The following COL19A1 variants were observed in gnomAD, a reference collection of about 807,000 sequenced individuals.
The protein encoded by COL19A1 is collagen type XIX alpha 1 chain, also known as collagen alpha-1(XIX) chain.
COL19A1 carries 159 observed loss-of-function variants against 190.2 expected under a neutral mutation model. That is an observed-to-expected ratio of 0.84 (90% CI 0.73 to 0.95). The LOEUF (loss-of-function observed/expected upper bound fraction) is 0.95. COL19A1 is among the 40% of genes least tolerant of loss of function. The probability of loss-of-function intolerance (pLI) is 0.00; values close to 1 mark genes in which losing one functional copy is unlikely to be tolerated. For missense variants in COL19A1, 1,418 were observed against 1,431.9 expected, an observed-to-expected ratio of 0.99 and a Z score of 0.16; for synonymous variants, 509 against 458.9, an observed-to-expected ratio of 1.11 and a Z score of -1.39.
At position 70,165,924 on chromosome 6, in the gene COL19A1, C is replaced by G. The variant is rs779281622; in HGVS notation, c.2401-17C>G. The G allele has an allele frequency of 7.3e-5, 118 of 1,613,082 alleles. No homozygotes were observed. The highest frequency in any genetic ancestry group is 9.7e-5 in the Non-Finnish European group (114 of 1,179,104). On this transcript the variant is annotated splice_polypyrimidine_tract_variant and intron_variant, in intron 36 of 50. Coordinates refer to ENST00000620364, the MANE Select transcript of COL19A1 (RefSeq NM_001858.6). ...AGAAACGTCTACGCCGCTGATATGT[C>G]TATATATCCCTTGCAGGGCAGCGAC...
chr6:70,043,068 C>T (rs1250918471), intron 14 of COL19A1, among the ~76,000 whole-genome samples: 2 of 152,162 alleles, frequency 1.3e-5, no homozygotes, highest in African/African-American at 4.8e-5. Context: ...AGATTTTGAC[C>T]TCCTCTGTGA....
Position 70,058,978 on chromosome 6 carries a change from T to C in COL19A1, c.1171-9445T>C, listed in dbSNP as rs557716407. ...CGTATAAAACAAAATTTCATTCCGA[T>C]GTCCCCAACTTAAAACTTTATTCCT... On this transcript the variant is annotated intron_variant, in intron 14 of 50. Coordinates refer to ENST00000620364, the MANE Select transcript of COL19A1 (RefSeq NM_001858.6). Among the ~76,000 whole-genome samples, 117 of 152,204 alleles carry C rather than the reference T, an allele frequency of 7.7e-4. 2 individuals are homozygous for C. The South Asian group carries it at 0.017, about 22-fold the overall frequency.
Position 70,074,516 on chromosome 6 carries a change from A to AAG in COL19A1, c.1224+6048_1224+6049dup, listed in dbSNP as rs1554200728. 8.7e-4 allele frequency among the ~76,000 whole-genome samples: 130 copies of AAG among 149,330 alleles called. 1 individual carries two copies. Among genetic ancestry groups the AAG allele is most frequent in the Middle Eastern group, 3.5e-3 (1 of 288 alleles). On this transcript the variant is annotated intron_variant, in intron 15 of 50. Transcript: ENST00000620364. ...TCCACCTCAAAAAAAAAAAAAAAAA[A>AAG]AGAGAGAGAAAGAGTATTTCTTCTT...
chr6:70,163,976 C>T (rs1397416399), intron 36 of COL19A1, among the ~76,000 whole-genome samples: 1 of 152,074 alleles, frequency 6.6e-6, no homozygotes, highest in Admixed American at 6.5e-5. Context: ...GGGCACTAAT[C>T]CTATTCATGA....
intron 47 of COL19A1, among the ~76,000 whole-genome samples, chr6:70,189,924 C>T (rs3806058): frequency 0.22 from 34,130 of 152,110 alleles, 4,003 homozygotes; most frequent in Non-Finnish European, 0.26. Context: ...TTGACTTTGC[C>T]ATCCAGGGAT....
intron 16 of COL19A1, among the ~76,000 whole-genome samples, chr6:70,112,895 A>C (rs1344804327): frequency 6.6e-6 from 1 of 152,194 alleles, no homozygotes; most frequent in Non-Finnish European, 1.5e-5. Flanking sequence ...TGCAGGCCAG[A>C]AGCAGACAAG....
chr6:70,178,839 T>G (rs559898302), intron 42 of COL19A1, among the ~76,000 whole-genome samples: 8 of 152,224 alleles, frequency 5.3e-5, no homozygotes, highest in Non-Finnish European at 8.8e-5. Flanking sequence ...TTTCTTTGCC[T>G]TACTCTGAGG....
At chr6:70,064,387 A>C (rs1340733214) in intron 14 of COL19A1, among the ~76,000 whole-genome samples, 3 of 152,212 alleles carry the variant, frequency 2.0e-5, no homozygotes, top group Admixed American at 1.3e-4. Flanking sequence ...AGATGCAGAA[A>C]AGGCCTTTGA....
intron 15 of COL19A1, among the ~76,000 whole-genome samples, chr6:70,070,470 G>A (rs987571021): frequency 2.0e-5 from 3 of 152,142 alleles, no homozygotes; most frequent in East Asian, 1.9e-4. Context: ...GGCATAGTTC[G>A]TCATTATTGC....
intron 46 of COL19A1, among the ~76,000 whole-genome samples, chr6:70,185,605 T>A (rs1322598050): frequency 6.6e-6 from 1 of 152,210 alleles, no homozygotes; most frequent in Non-Finnish European, 1.5e-5. Flanking sequence ...TCTCTTTATT[T>A]CCTTTAATGA....
At chr6:70,151,263 G>A (rs1787039991) in intron 30 of COL19A1, 134 bp from the exon 31 acceptor site, 8 of 747,012 alleles carry the variant, frequency 1.1e-5, no homozygotes, top group African/African-American at 1.8e-5. Flanking sequence ...ATAATGTTAA[G>A]CCAGTGATTC....
intron 1 of COL19A1, among the ~76,000 whole-genome samples, chr6:69,875,386 G>A (rs1446762730): frequency 6.6e-6 from 1 of 152,166 alleles, no homozygotes; most frequent in Non-Finnish European, 1.5e-5. Flanking sequence ...GCAAGGAAGT[G>A]ACATGAACCA....
At chr6:70,085,751 T>G (rs113821464) in intron 15 of COL19A1, among the ~76,000 whole-genome samples, 54,964 of 111,782 alleles carry the variant, frequency 0.49, 11,572 homozygotes, top group Non-Finnish European at 0.52. Context: ...ACGTATACTC[T>G]TATTTCAAAG....
intron 48 of COL19A1, among the ~76,000 whole-genome samples, chr6:70,196,984 G>A (rs1012494703): frequency 6.6e-6 from 1 of 152,042 alleles, no homozygotes; most frequent in African/African-American, 2.4e-5. Context: ...TAGAAGTAGT[G>A]AAAATAATTA....
intron 12 of COL19A1, among the ~76,000 whole-genome samples, chr6:70,029,542 C>T (rs1172837716): frequency 6.6e-6 from 1 of 152,120 alleles, no homozygotes; most frequent in Non-Finnish European, 1.5e-5. Context: ...ATGGTGAGTG[C>T]TGTGTCCTTT....
At chr6:70,075,285 T>C (rs1459996237) in intron 15 of COL19A1, among the ~76,000 whole-genome samples, 1 of 152,184 alleles carries the variant, frequency 6.6e-6, no homozygotes, top group Non-Finnish European at 1.5e-5. Context: ...AAACCAAATA[T>C]GAAACTCGGT....
chr6:69,943,661 T>G (rs549647389), intron 9 of COL19A1, among the ~76,000 whole-genome samples: 144 of 152,270 alleles, frequency 9.5e-4, no homozygotes, highest in Middle Eastern at 3.4e-3. Context: ...GACTGTCCTT[T>G]CCTCAATGCA....
chr6:70,192,990 C>T (rs1003656326), intron 48 of COL19A1, among the ~76,000 whole-genome samples: 1 of 152,002 alleles, frequency 6.6e-6, no homozygotes, highest in Non-Finnish European at 1.5e-5. Flanking sequence ...TAATACTGAA[C>T]TTCAGTCTCT....
intron 14 of COL19A1, among the ~76,000 whole-genome samples, chr6:70,066,145 C>T (rs1412711933): frequency 3.3e-5 from 5 of 152,264 alleles, no homozygotes; most frequent in Middle Eastern, 3.4e-3. Context: ...AAGACACATG[C>T]ACACGTATGT....
Sources: allele counts gnomAD v4.1 joint callset (sites outside exome capture counted in the v4.1 genomes callset), GRCh38; gene constraint gnomAD v4.1.1; transcripts MANE v1.5; gene names NCBI Gene and HGNC (gene_info 2026-07-23, HGNC 2026-07-21).